Variants in RBFOX1 observed in about 807,000 individuals in gnomAD.
RBFOX1 encodes RNA binding fox-1 homolog 1.
A neutral mutation model predicts 57.7 loss-of-function variants in RBFOX1; 8 were observed. That is an observed-to-expected ratio of 0.14 (90% CI 0.08 to 0.25). The LOEUF is 0.25. Among genes scored for constraint, RBFOX1 ranks in the 10% least tolerant of loss-of-function variants. The pLI is 1.00. For missense variants in RBFOX1, 611 were observed against 548.5 expected (o/e 1.11, Z -1.14); for synonymous variants, 326 against 222.4 (o/e 1.47, Z -4.15).
chr16:5,713,301 AAGG>A (rs2051564322), intron 3 of RBFOX1, among the ~76,000 whole-genome samples: 1 of 152,152 alleles, frequency 6.6e-6, no homozygotes, highest in Admixed American at 6.5e-5. Context: ...AGGGAGAGAG[AAGG>A]AGAAGGACAA....
chr16:5,853,538 A>C (rs375930747), intron 3 of RBFOX1, among the ~76,000 whole-genome samples: 2 of 152,298 alleles, frequency 1.3e-5, no homozygotes, highest in South Asian at 2.1e-4. Flanking sequence ...CCTGACTTGG[A>C]GATCTCTCTT....
chr16:7,345,494 G>A (rs983582399), intron 4 of RBFOX1, among the ~76,000 whole-genome samples: 1 of 152,228 alleles, frequency 6.6e-6, no homozygotes, highest in African/African-American at 2.4e-5. Context: ...TGTTTTGGCA[G>A]ACAGTTCCCA....
At chr16:6,687,552 G>GT (rs1469785873) in intron 3 of RBFOX1, among the ~76,000 whole-genome samples, 1 of 152,172 alleles carries the variant, frequency 6.6e-6, no homozygotes, top group East Asian at 1.9e-4. Context: ...ATATCTTGGT[G>GT]TTTTATCACT....
intron 3 of RBFOX1, among the ~76,000 whole-genome samples, chr16:5,765,490 G>A (rs954978088): frequency 3.3e-5 from 5 of 152,184 alleles, no homozygotes; most frequent in African/African-American, 7.2e-5. Context: ...CATGAGAGGC[G>A]TAAAGACATT....
At chr16:5,338,544 G>A (rs1043593788) in intron 1 of RBFOX1, among the ~76,000 whole-genome samples, 2 of 152,152 alleles carry the variant, frequency 1.3e-5, no homozygotes, top group Non-Finnish European at 2.9e-5. Flanking sequence ...TTATCTTCCA[G>A]TTCCTCATGT....
At chr16:7,388,203 G>A (rs1241704404) in intron 4 of RBFOX1, among the ~76,000 whole-genome samples, 1 of 152,058 alleles carries the variant, frequency 6.6e-6, no homozygotes, top group Non-Finnish European at 1.5e-5. Context: ...TTTCCTTCTT[G>A]GCAGAGTTCT....
At chr16:6,365,891 G>A (rs1425084740) in intron 2 of RBFOX1, among the ~76,000 whole-genome samples, 1 of 152,172 alleles carries the variant, frequency 6.6e-6, no homozygotes. Context: ...AGAATAGAGA[G>A]AGCATTTTGA....
chr16:6,989,470 A>T (rs1410521546), intron 3 of RBFOX1, among the ~76,000 whole-genome samples: 2 of 152,196 alleles, frequency 1.3e-5, no homozygotes, highest in Non-Finnish European at 2.9e-5. Context: ...GTAAGTTAAT[A>T]TCATCCTCTG....
chr16:7,696,487 G>C (rs1217062706), intron 14 of RBFOX1, among the ~76,000 whole-genome samples: 1 of 150,266 alleles, frequency 6.7e-6, no homozygotes, highest in Admixed American at 6.6e-5. Flanking sequence ...TGCAGAAGAA[G>C]GGTCTGGTAT....
At chr16:6,173,006 G>A (rs529672743) in intron 1 of RBFOX1, among the ~76,000 whole-genome samples, 1 of 152,274 alleles carries the variant, frequency 6.6e-6, no homozygotes, top group African/African-American at 2.4e-5. Context: ...AGCCAGGGAT[G>A]TAGCCCTTCT....
intron 3 of RBFOX1, among the ~76,000 whole-genome samples, chr16:6,753,536 T>A (rs2075303010): frequency 6.6e-6 from 1 of 152,160 alleles, no homozygotes; most frequent in South Asian, 2.1e-4. Flanking sequence ...GTTTTCTTCT[T>A]CTCTTTGAAT....
intron 3 of RBFOX1, among the ~76,000 whole-genome samples, chr16:5,611,031 A>G (rs1166447359): frequency 6.6e-6 from 1 of 152,134 alleles, no homozygotes; most frequent in Non-Finnish European, 1.5e-5. Context: ...GTCTCTCTAC[A>G]GCCTAGTCTG....
chr16:6,684,398 C>G (rs531686386), intron 3 of RBFOX1, among the ~76,000 whole-genome samples: 1 of 152,210 alleles, frequency 6.6e-6, no homozygotes, highest in Non-Finnish European at 1.5e-5. Flanking sequence ...ATGTTTTCAT[C>G]TTTTCCCCCA....
chr16:5,618,740 A>T (rs2048120167), intron 3 of RBFOX1, among the ~76,000 whole-genome samples: 1 of 152,270 alleles, frequency 6.6e-6, no homozygotes, highest in Non-Finnish European at 1.5e-5. Context: ...ATTTTGGGTC[A>T]GGTTGAAGCC....
At chr16:5,587,027 G>A (rs1459595866) in intron 2 of RBFOX1, among the ~76,000 whole-genome samples, 4 of 152,162 alleles carry the variant, frequency 2.6e-5, no homozygotes, top group African/African-American at 9.7e-5. Flanking sequence ...GCAAGTAGAG[G>A]AAAACCTGGG....
At chr16:7,191,748 A>T (rs945525943) in intron 4 of RBFOX1, among the ~76,000 whole-genome samples, 4 of 152,232 alleles carry the variant, frequency 2.6e-5, no homozygotes, top group African/African-American at 9.6e-5. Flanking sequence ...GTTAGAGCGA[A>T]AGCTGAAATA....
intron 2 of RBFOX1, among the ~76,000 whole-genome samples, chr16:5,592,621 G>C (rs562947618): frequency 2.6e-5 from 4 of 152,154 alleles, no homozygotes; most frequent in African/African-American, 9.6e-5. Context: ...TCACCATGTT[G>C]GCTAGGCTAT....
At chr16:7,003,149 CT>C (rs372753148) in intron 3 of RBFOX1, among the ~76,000 whole-genome samples, 1 of 152,064 alleles carries the variant, frequency 6.6e-6, no homozygotes, top group African/African-American at 2.4e-5. Context: ...ATGAAAGATG[CT>C]AGACAGATCG....
intron 1 of RBFOX1, among the ~76,000 whole-genome samples, chr16:6,111,550 A>G (rs945860867): frequency 3.3e-5 from 5 of 152,216 alleles, no homozygotes; most frequent in African/African-American, 9.6e-5. Context: ...GGCATGTCCC[A>G]TTGGAGTTAC....
Sources: gnomAD v4.1 joint callset for allele counts (sites outside exome capture counted in the v4.1 genomes callset) on GRCh38, gnomAD v4.1.1 for gene constraint, MANE v1.5 for transcripts, NCBI Gene and HGNC (gene_info 2026-07-23, HGNC 2026-07-21) for gene names.